The following BCAS3 variants were observed in gnomAD, a reference collection of about 807,000 sequenced individuals.
BCAS3 encodes the protein BCAS4/BCAS3 fusion.
BCAS3 carries 53 observed loss-of-function variants against 116.1 expected under a neutral mutation model. The ratio of observed to expected loss-of-function variants is 0.46; its 90% CI spans 0.37 to 0.57. The LOEUF (loss-of-function observed/expected upper bound fraction) is 0.57, where lower values mean the gene tolerates loss of function less well. Among genes scored for constraint, BCAS3 ranks in the 20% least tolerant of loss-of-function variants. The probability of loss-of-function intolerance (pLI) is 0.00; values close to 1 mark genes in which losing one functional copy is unlikely to be tolerated. For missense variants in BCAS3, 917 were observed against 1,165.4 expected, an observed-to-expected ratio of 0.79 and a Z score of 3.10; for synonymous variants, 391 against 408.2, an observed-to-expected ratio of 0.96 and a Z score of 0.51.
chr17:61,110,380 G>A (rs897171409), intron 22 of BCAS3, among the ~76,000 whole-genome samples: 4 of 152,192 alleles, frequency 2.6e-5, no homozygotes, highest in Non-Finnish European at 4.4e-5. Flanking sequence ...AGGTCAGTGG[G>A]TGCGCGCACC....
intron 9 of BCAS3, among the ~76,000 whole-genome samples, chr17:60,888,012 C>T (rs2056850119): frequency 6.6e-6 from 1 of 152,004 alleles, no homozygotes; most frequent in African/African-American, 2.4e-5. Context: ...GATTCATGTC[C>T]CCCCAACCCC....
chr17:61,119,685 A>G (rs1314633672), intron 22 of BCAS3, among the ~76,000 whole-genome samples: 2 of 151,658 alleles, frequency 1.3e-5, no homozygotes, highest in Non-Finnish European at 2.9e-5. Context: ...AGGCAGTAAT[A>G]TATATATATA....
chr17:60,747,293 T>C lies in BCAS3; in HGVS notation c.403+14T>C. 6.3e-7 allele frequency: 1 copy of C among 1,580,086 alleles called. No homozygotes were observed. Among genetic ancestry groups the C allele is most frequent in the Non-Finnish European group, 8.7e-7 (1 of 1,154,512 alleles). The stretch of plus-strand genomic sequence containing the variant: ...CTCCACAGTTTGGTGAGTGTAGTCC[T>C]TAAGAAAAGAATCTTTCAGAAAAGA... On this transcript the variant is annotated intron_variant, in intron 6 of 23. Coordinates refer to ENST00000407086, the MANE Select transcript of BCAS3 (RefSeq NM_017679.5).
intron 19 of BCAS3, among the ~76,000 whole-genome samples, chr17:61,066,182 G>C (rs2070591654): frequency 6.6e-6 from 1 of 152,298 alleles, no homozygotes; most frequent in Admixed American, 6.5e-5. Context: ...TACAAACAGT[G>C]GTACCTGTAG....
At chr17:60,958,505 C>T (rs909328868) in intron 14 of BCAS3, among the ~76,000 whole-genome samples, 6 of 152,120 alleles carry the variant, frequency 3.9e-5, no homozygotes, top group African/African-American at 9.7e-5. Flanking sequence ...ATAAGCAAGA[C>T]TTGTACTCTG....
At chr17:60,891,034 A>G (rs912826592) in intron 10 of BCAS3, among the ~76,000 whole-genome samples, 9 of 152,178 alleles carry the variant, frequency 5.9e-5, no homozygotes, top group African/African-American at 1.9e-4. Context: ...TGAATTCTGT[A>G]TTTATATTCC....
chr17:61,386,182 CA>C (rs2059836908), intron 23 of BCAS3, among the ~76,000 whole-genome samples: 1 of 152,252 alleles, frequency 6.6e-6, no homozygotes, highest in Non-Finnish European at 1.5e-5. Flanking sequence ...ACCTGAGGCA[CA>C]AAGATTCGAG....
At position 61,151,920 on chromosome 17, in the gene BCAS3, A is replaced by ACCAGCT. The variant is rs1477079907; in HGVS notation, c.2425+67360_2425+67365dup. Among the ~76,000 whole-genome samples, 1 of 152,196 alleles carries ACCAGCT rather than the reference A, an allele frequency of 6.6e-6. No homozygotes were observed. The highest frequency in any genetic ancestry group is 2.4e-5 in the African/African-American group (1 of 41,450). On this transcript the variant is annotated intron_variant, in intron 22 of 23. Coordinates refer to ENST00000407086, the MANE Select transcript of BCAS3 (RefSeq NM_017679.5). This position sits in a 1 kb window ranked among gnomAD's most constrained non-coding sequence, Gnocchi z 4.8. ...ACTTACTATAAGAAGTATGGCAAGC[A>ACCAGCT]CCAGCTCCACATAGTGACACAGTAC...
In BCAS3 at chr17:61,131,615, T is replaced by G. The variant is rs1260257649; in HGVS notation, c.2425+47051T>G. 6.6e-6 allele frequency among the ~76,000 whole-genome samples: 1 copy of G among 152,224 alleles called. No individual in the cohort carries two copies. Among genetic ancestry groups the G allele is most frequent in the Middle Eastern group, 3.2e-3 (1 of 316 alleles). On this transcript the variant is annotated intron_variant, in intron 22 of 23. Transcript: ENST00000407086. This position sits in a 1 kb window ranked among gnomAD's most constrained non-coding sequence, Gnocchi z 4.4. Reference sequence around the variant, plus strand: ...ATTTCTCCATAAAGGCCTTTCTTCCTTGAGGTCTGTGAGCCTCCAGGCCTT... The same window carrying G: ...ATTTCTCCATAAAGGCCTTTCTTCCGTGAGGTCTGTGAGCCTCCAGGCCTT...
chr17:61,230,316 CAT>C (rs1371081284), intron 22 of BCAS3, among the ~76,000 whole-genome samples: 1 of 152,174 alleles, frequency 6.6e-6, no homozygotes, highest in African/African-American at 2.4e-5. Flanking sequence ...ACTACAATAA[CAT>C]AACATTGATG....
chr17:60,934,751 G>T (rs1020178593), intron 13 of BCAS3, among the ~76,000 whole-genome samples: 2 of 152,098 alleles, frequency 1.3e-5, no homozygotes, highest in African/African-American at 4.8e-5. Flanking sequence ...ATTTCCCAAA[G>T]ATATATATTC....
chr17:60,968,273 T>A (rs2061764969), intron 14 of BCAS3, among the ~76,000 whole-genome samples: 1 of 152,182 alleles, frequency 6.6e-6, no homozygotes, highest in Non-Finnish European at 1.5e-5. Flanking sequence ...TGGAGTACAG[T>A]GGTGCAGTCA....
chr17:61,297,376 A>G (rs1241397135), intron 22 of BCAS3, among the ~76,000 whole-genome samples: 2 of 152,144 alleles, frequency 1.3e-5, no homozygotes, highest in South Asian at 4.2e-4. Flanking sequence ...AGCCAAAGTC[A>G]TACTCCTTGA....
At chr17:60,802,140 C>T (rs1311331934) in intron 6 of BCAS3, among the ~76,000 whole-genome samples, 7 of 151,448 alleles carry the variant, frequency 4.6e-5, no homozygotes, top group East Asian at 1.9e-4. Context: ...AAAAATTAGC[C>T]GGGCATGGTG....
At chr17:60,863,256 A>G (rs1251747807) in intron 7 of BCAS3, among the ~76,000 whole-genome samples, 1 of 152,156 alleles carries the variant, frequency 6.6e-6, no homozygotes, top group Non-Finnish European at 1.5e-5. Context: ...GTTTCCTTGA[A>G]ATATTTGTGT....
intron 7 of BCAS3, among the ~76,000 whole-genome samples, chr17:60,829,202 C>T (rs2050695507): frequency 1.3e-5 from 2 of 151,830 alleles, no homozygotes; most frequent in African/African-American, 2.4e-5. Flanking sequence ...TAATGTATAA[C>T]AATAGTAGAG....
intron 7 of BCAS3, among the ~76,000 whole-genome samples, chr17:60,825,892 C>T (rs2050376708): frequency 6.8e-6 from 1 of 147,370 alleles, no homozygotes; most frequent in Non-Finnish European, 1.5e-5. Flanking sequence ...AAGTCTCGCA[C>T]CGTCACCCAG....
chr17:61,015,721 T>A, intron 15 of BCAS3, 30 bp from the exon 16 acceptor site: 1 of 1,611,516 alleles, frequency 6.2e-7, no homozygotes, highest in Non-Finnish European at 8.5e-7. Context: ...CCTTCCTCAG[T>A]GATGCTTTTC....
intron 22 of BCAS3, among the ~76,000 whole-genome samples, chr17:61,336,865 C>A (rs2056761926): frequency 6.6e-6 from 1 of 152,294 alleles, no homozygotes; most frequent in Admixed American, 6.5e-5. Flanking sequence ...GTAATCCCAG[C>A]ACTTTGGGAG....
Sources: allele counts gnomAD v4.1 joint callset (sites outside exome capture counted in the v4.1 genomes callset), GRCh38; gene constraint gnomAD v4.1.1; non-coding constraint Gnocchi (gnomAD v3.1); transcripts MANE v1.5; gene names NCBI Gene and HGNC (gene_info 2026-07-23, HGNC 2026-07-21).